The following CUL3 variants were observed in gnomAD, a reference collection of about 807,000 sequenced individuals.
CUL3 encodes cullin 3.
In CUL3, 19 loss-of-function variants were observed where a neutral mutation model predicts 89.1. The ratio of observed to expected loss-of-function variants is 0.21; its 90% CI spans 0.15 to 0.31. CUL3 has a LOEUF of 0.31. Ranked by LOEUF, CUL3 falls within the 10% of genes least tolerant of loss-of-function variation. The probability of loss-of-function intolerance (pLI) is 1.00; values close to 1 mark genes in which losing one functional copy is unlikely to be tolerated. For missense variants in CUL3, 469 were observed against 942.3 expected, an observed-to-expected ratio of 0.50 and a Z score of 6.58; for synonymous variants, 351 against 308.4, an observed-to-expected ratio of 1.14 and a Z score of -1.45.
chr2:224,486,566 G>T (rs1331520062), intron 13 of CUL3, among the ~76,000 whole-genome samples: 1 of 142,490 alleles, frequency 7.0e-6, no homozygotes, highest in Non-Finnish European at 1.5e-5. Context: ...CAAGATTAGG[G>T]AAAAAAGAAT....
At position 224,557,872 on chromosome 2, in the gene CUL3, G is replaced by GAA; in HGVS notation, c.67-17_67-16insTT. 4.1e-6 allele frequency: 1 copy of GAA among 242,690 alleles called. No individual in the cohort carries two copies. Among genetic ancestry groups the GAA allele is most frequent in the Non-Finnish European group, 7.1e-6 (1 of 141,124 alleles). 15.0% of individuals were successfully genotyped at this position (242,690 alleles called of 1,614,324 possible). On this transcript the variant is annotated splice_polypyrimidine_tract_variant and intron_variant, in intron 1 of 15. Transcript: ENST00000264414. Reference sequence around the variant, plus strand: ...CCATGGTCATCTGTAATATCCAAGAGAGAGAAGAGACAAAAAAAAAAAAAA... The same window carrying GAA: ...CCATGGTCATCTGTAATATCCAAGAGAAAGAGAAGAGACAAAAAAAAAAAAAA...
At chr2:224,479,471 C>T (rs889293787) in intron 14 of CUL3, 2 of 151,562 alleles carry the variant, frequency 1.3e-5, no homozygotes, top group East Asian at 3.9e-4. Flanking sequence ...TTAAATGAAA[C>T]TAAAAAGACA....
chr2:224,565,693 C>T (rs62187044), intron 1 of CUL3, among the ~76,000 whole-genome samples: 7,637 of 152,262 alleles, frequency 0.05, 232 homozygotes, highest in South Asian at 0.069. Flanking sequence ...TCATCTGTCA[C>T]TGGTTCAGAA....
chr2:224,488,061 C>T (rs1691807144), intron 13 of CUL3, among the ~76,000 whole-genome samples: 1 of 152,088 alleles, frequency 6.6e-6, no homozygotes, highest in Non-Finnish European at 1.5e-5. Context: ...AGAACTAAGA[C>T]ACGACGTACC....
At chr2:224,570,418 G>A (rs1695156878) in intron 1 of CUL3, among the ~76,000 whole-genome samples, 3 of 152,182 alleles carry the variant, frequency 2.0e-5, no homozygotes, top group Admixed American at 2.0e-4. Context: ...GTGAGACGGT[G>A]GACTGTGGGG....
intron 3 of CUL3, among the ~76,000 whole-genome samples, chr2:224,517,970 T>C (rs1394560268): frequency 6.6e-6 from 1 of 152,166 alleles, no homozygotes; most frequent in Non-Finnish European, 1.5e-5. Context: ...ATTAATTATA[T>C]ATTAATAATA....
chr2:224,496,806 T>G (rs1334834162), intron 12 of CUL3, among the ~76,000 whole-genome samples: 1 of 152,218 alleles, frequency 6.6e-6, no homozygotes, highest in South Asian at 2.1e-4. Flanking sequence ...AATTAACATA[T>G]GCATATGTTT....
In CUL3 at chr2:224,585,165, G is replaced by A. The variant is rs1240173818; in HGVS notation, c.-156C>T. On this transcript the variant is annotated 5_prime_UTR_variant, in exon 1 of 16. Transcript: ENST00000264414. ...AGCTGGCCGGCCCCTGGGCAGCCGC[G>A]GCGGCGGCGGGGGCGGCGGCGGCGG... is the stretch of plus-strand genomic sequence containing the variant. 3 of 294,566 alleles carry A rather than the reference G, an allele frequency of 1.0e-5. No individual in the cohort carries two copies. The highest frequency in any genetic ancestry group is 2.7e-5 in the African/African-American group (1 of 37,244). 18.2% of individuals were successfully genotyped at this position (294,566 alleles called of 1,614,324 possible).
In CUL3 at chr2:224,585,136, G is replaced by A; in HGVS notation, c.-127C>T. On this transcript the variant is annotated 5_prime_UTR_variant, in exon 1 of 16. Coordinates refer to ENST00000264414, the MANE Select transcript of CUL3 (RefSeq NM_003590.5). Reference sequence around the variant, plus strand: ...GGCGGCGCGACCCCCGGGCAGGGCTGGGGAGCTGGCCGGCCCCTGGGCAGC... The same window carrying A: ...GGCGGCGCGACCCCCGGGCAGGGCTAGGGAGCTGGCCGGCCCCTGGGCAGC... The A allele has an allele frequency of 3.3e-6, 2 of 598,980 alleles. No homozygotes were observed. The highest frequency in any genetic ancestry group is 4.8e-5 in the South Asian group (1 of 20,998). The allele number at this position is 598,980 out of a possible 1,614,324, so 37.1% of individuals were successfully genotyped here.
chr2:224,513,405 A>G (rs1407394019), intron 5 of CUL3, 119 bp downstream of exon 5: 1 of 669,942 alleles, frequency 1.5e-6, no homozygotes, highest in Admixed American at 3.3e-5. Context: ...CATTTTTTGC[A>G]TACTCCCCTC....
chr2:224,554,098 C>T (rs995658179), intron 2 of CUL3, among the ~76,000 whole-genome samples: 3 of 152,142 alleles, frequency 2.0e-5, no homozygotes, highest in African/African-American at 4.8e-5. Flanking sequence ...ACTCTTTGGA[C>T]GAGCCACTTC....
chr2:224,474,379 A>G lies in CUL3; in HGVS notation c.2176-3T>C, dbSNP rs1478291298. ...CGCGCCTTCAACTGCTGAGTTACCT[A>G]AAAAAGAAAGTAGATAGTATTTTTA... On this transcript the variant is annotated splice_polypyrimidine_tract_variant and splice_region_variant and intron_variant, in intron 15 of 15. Transcript: ENST00000264414. 9.3e-6 allele frequency: 15 copies of G among 1,611,452 alleles called. No homozygotes were observed. Among genetic ancestry groups the G allele is most frequent in the Non-Finnish European group, 1.3e-5 (15 of 1,178,830 alleles).
At chr2:224,490,159 A>G (rs1222296579) in intron 13 of CUL3, among the ~76,000 whole-genome samples, 1 of 152,256 alleles carries the variant, frequency 6.6e-6, no homozygotes, top group Non-Finnish European at 1.5e-5. Context: ...ATACCATCTC[A>G]TGCCATGTGA....
At chr2:224,580,240 C>T (rs1298879554) in intron 1 of CUL3, among the ~76,000 whole-genome samples, 2 of 152,160 alleles carry the variant, frequency 1.3e-5, no homozygotes, top group African/African-American at 2.4e-5. Context: ...TAAACTTTTC[C>T]TTTGTCAACA....
In CUL3 at chr2:224,473,257, C is replaced by T. The variant is rs1691193878; in HGVS notation, c.*988G>A. On this transcript the variant is annotated 3_prime_UTR_variant, in exon 16 of 16. Coordinates refer to ENST00000264414, the MANE Select transcript of CUL3 (RefSeq NM_003590.5). ...ATTTTGAAACAGAAAATTAATAGTG[C>T]ACCACAGCTTCACCAAAATATATAT... is the stretch of plus-strand genomic sequence containing the variant. 1 of 190,414 alleles carries T rather than the reference C, an allele frequency of 5.3e-6. No individual in the cohort carries two copies. The highest frequency in any genetic ancestry group is 1.1e-5 in the Non-Finnish European group (1 of 90,626). 11.8% of individuals were successfully genotyped at this position (190,414 alleles called of 1,614,324 possible).
chr2:224,537,428 T>C (rs1378759200), intron 2 of CUL3, among the ~76,000 whole-genome samples: 1 of 152,188 alleles, frequency 6.6e-6, no homozygotes, highest in African/African-American at 2.4e-5. Context: ...CTAAGCTCCA[T>C]GACTTCAAGT....
rs929822927 is a variant in CUL3 at position 224,567,403 on chromosome 2, T to C, written c.67-9547A>G. Reference sequence around the variant, plus strand: ...TGGCTAATATTTTTAATTTTTTTTGTAGAGATGGGGGTCTTGCTTTGTTGC... The same window carrying C: ...TGGCTAATATTTTTAATTTTTTTTGCAGAGATGGGGGTCTTGCTTTGTTGC... On this transcript the variant is annotated intron_variant, in intron 1 of 15. Transcript: ENST00000264414. Among the ~76,000 whole-genome samples the C allele has an allele frequency of 3.9e-5, 6 of 152,044 alleles. No homozygotes were observed. In the East Asian group the frequency reaches 9.7e-4, roughly 24 times the overall value.
At position 224,473,255 on chromosome 2, in the gene CUL3, T is replaced by G. The variant is rs1691193783; in HGVS notation, c.*990A>C. On this transcript the variant is annotated 3_prime_UTR_variant, in exon 16 of 16. Transcript: ENST00000264414. The stretch of plus-strand genomic sequence containing the variant: ...GCATTTTGAAACAGAAAATTAATAG[T>G]GCACCACAGCTTCACCAAAATATAT... 5.2e-6 allele frequency: 1 copy of G among 190,712 alleles called. No individual in the cohort carries two copies. The highest frequency in any genetic ancestry group is 6.2e-5 in the Admixed American group (1 of 16,256). 11.8% of individuals were successfully genotyped at this position (190,712 alleles called of 1,614,324 possible). A position where few individuals can be genotyped will look rare whatever the true frequency, so the allele number is the denominator to read the frequency against.
intron 1 of CUL3, chr2:224,569,814 A>C (rs1246085331): frequency 3.7e-6 from 4 of 1,086,520 alleles, no homozygotes; most frequent in Non-Finnish European, 4.5e-6. Flanking sequence ...TCCTCTGTGA[A>C]TAATTTTCTA....
Sources: gnomAD v4.1 joint callset for allele counts (sites outside exome capture counted in the v4.1 genomes callset) on GRCh38, gnomAD v4.1.1 for gene constraint, MANE v1.5 for transcripts, NCBI Gene and HGNC (gene_info 2026-07-23, HGNC 2026-07-21) for gene names.